CDH23: variants seen among roughly 807,000 people sequenced by gnomAD.
CDH23 encodes cadherin related 23.
CDH23 carries 189 observed loss-of-function variants against 317.1 expected under a neutral mutation model. The ratio of observed to expected loss-of-function variants is 0.60; its 90% confidence interval spans 0.53 to 0.67. The LOEUF (loss-of-function observed/expected upper bound fraction) is 0.67, where lower values mean the gene tolerates loss of function less well. Among genes scored for constraint, CDH23 ranks in the 30% least tolerant of loss-of-function variants. The pLI is 0.00. For missense variants in CDH23, 4,401 were observed against 4,592.4 expected (o/e 0.96, Z 1.20); for synonymous variants, 1,839 against 1,876.8 (o/e 0.98, Z 0.52).
Position 71,812,441 on chromosome 10 carries a change from C to CTTCCCTCCCTCCCCACCCTT in CDH23, c.9381-29_9381-10dup, listed in dbSNP as rs771157742. ...TGGAAGGGCACCTGTCTACTCGAGCCTTCCCTCCCTCCCCACCCTTTTCCC... is the reference window on the plus strand; with the variant it reads ...TGGAAGGGCACCTGTCTACTCGAGCCTTCCCTCCCTCCCCACCCTTTTCCCTCCCTCCCCACCCTTTTCCC... On this transcript the variant is annotated intron_variant, in intron 66 of 69. Transcript: ENST00000224721. 4.4e-6 allele frequency: 7 copies of CTTCCCTCCCTCCCCACCCTT among 1,594,212 alleles called. 1 individual carries two copies. The South Asian group carries it at 7.7e-5, about 18-fold the overall frequency.
chr10:71,481,282 G>C (rs1852050002), intron 3 of CDH23, among the ~76,000 whole-genome samples: 1 of 152,166 alleles, frequency 6.6e-6, no homozygotes, highest in African/African-American at 2.4e-5. Context: ...CCTGCCTCCA[G>C]AGGGTGCAGA....
At chr10:71,643,566 C>A (rs910521258) in intron 11 of CDH23, among the ~76,000 whole-genome samples, 2 of 151,662 alleles carry the variant, frequency 1.3e-5, no homozygotes, top group African/African-American at 4.8e-5. Flanking sequence ...CTTGCCCCCC[C>A]CTCACCTCCT....
chr10:71,501,125 C>G (rs1589140606), intron 3 of CDH23, among the ~76,000 whole-genome samples: 1 of 152,142 alleles, frequency 6.6e-6, no homozygotes, highest in Non-Finnish European at 1.5e-5. Context: ...ACCTTGGCCT[C>G]CCAAAGTGCT....
At chr10:71,766,316 G>A (rs1325061723) in intron 38 of CDH23, among the ~76,000 whole-genome samples, 2 of 152,160 alleles carry the variant, frequency 1.3e-5, no homozygotes, top group Non-Finnish European at 2.9e-5. Flanking sequence ...TGCCAGGCGG[G>A]AACCGTCCAG....
intron 9 of CDH23, among the ~76,000 whole-genome samples, chr10:71,600,696 T>G (rs931001808): frequency 6.6e-6 from 1 of 151,894 alleles, no homozygotes; most frequent in African/African-American, 2.4e-5. Flanking sequence ...TTTTGTATTT[T>G]CAGTCGAGAC....
chr10:71,440,855 C>T (rs1343021382), intron 2 of CDH23, among the ~76,000 whole-genome samples: 1 of 152,196 alleles, frequency 6.6e-6, no homozygotes, highest in East Asian at 1.9e-4. Flanking sequence ...CACGCAAACA[C>T]ATTCCTGTGG....
chr10:71,736,236 C>G (rs927718271), intron 34 of CDH23, among the ~76,000 whole-genome samples: 1 of 152,266 alleles, frequency 6.6e-6, no homozygotes, highest in African/African-American at 2.4e-5. Flanking sequence ...CCCTGGCTTC[C>G]TCTGAGAGGC....
intron 11 of CDH23, among the ~76,000 whole-genome samples, chr10:71,625,903 C>G (rs1024355686): frequency 6.6e-6 from 1 of 152,288 alleles, no homozygotes; most frequent in Middle Eastern, 3.4e-3. Flanking sequence ...CTTTTAATTA[C>G]AAATACAGAA....
chr10:71,497,622 G>C (rs1853048910), intron 3 of CDH23, among the ~76,000 whole-genome samples: 1 of 152,218 alleles, frequency 6.6e-6, no homozygotes. Flanking sequence ...TTCTCTGCCT[G>C]TCTATCCTCC....
chr10:71,784,903 A>T lies in CDH23; in HGVS notation c.5515A>T (p.Ile1839Phe), dbSNP rs767438622. 1.2e-6 allele frequency: 2 copies of T among 1,613,608 alleles called. No individual in the cohort carries two copies. The highest frequency in any genetic ancestry group is 1.7e-5 in the Admixed American group (1 of 59,992). The change falls in exon 43 of 70, where the codon ATC becomes TTC. Residue 1839 changes from isoleucine (I) to phenylalanine (F), a missense_variant. Coordinates refer to ENST00000224721, the MANE Select transcript of CDH23 (RefSeq NM_022124.6). ...PPLSSTMLVG[I>F]RVLDINDNDP... The stretch of plus-strand genomic sequence containing the variant: ...CTGACTGGCCCAGATGCTGGTGGGG[A>T]TCCGGGTGCTGGACATCAACGACAA...
chr10:71,618,723 G>A (rs919499652), intron 11 of CDH23, among the ~76,000 whole-genome samples: 12 of 152,096 alleles, frequency 7.9e-5, no homozygotes, highest in African/African-American at 2.9e-4. Context: ...CTCTGCCCAC[G>A]TCTCTTGCCC....
intron 14 of CDH23, among the ~76,000 whole-genome samples, chr10:71,670,071 G>A (rs1416078946): frequency 1.3e-5 from 2 of 152,254 alleles, no homozygotes; most frequent in African/African-American, 4.8e-5. Context: ...TGGCTTCAGA[G>A]GTGTGCCGGG....
At chr10:71,575,545 C>G (rs1258319628) in intron 8 of CDH23, among the ~76,000 whole-genome samples, 1 of 152,110 alleles carries the variant, frequency 6.6e-6, no homozygotes, top group Non-Finnish European at 1.5e-5. Flanking sequence ...AACAGCGGGG[C>G]CCCTGCAGGC....
At chr10:71,812,377 C>T (rs1225235827) in intron 66 of CDH23, 103 bp from the exon 67 acceptor site, 3 of 1,602,900 alleles carry the variant, frequency 1.9e-6, no homozygotes, top group African/African-American at 1.3e-5. Context: ...GTGAAAGGCA[C>T]TATATGGCCA....
chr10:71,420,549 T>TGATGGTGATGGTG (rs1285573654), intron 1 of CDH23, among the ~76,000 whole-genome samples: 1 of 8,432 alleles, frequency 1.2e-4, no homozygotes. Context: ...ATGATGGTGA[T>TGATGGTGATGGTG]ATGATGATGG....
intron 6 of CDH23, among the ~76,000 whole-genome samples, chr10:71,548,836 A>T (rs1242771652): frequency 6.6e-6 from 1 of 152,230 alleles, no homozygotes; most frequent in African/African-American, 2.4e-5. Flanking sequence ...AAAGCCTTCC[A>T]GAGAGTTCTT....
Position 71,734,224 on chromosome 10 carries a change from G to C in CDH23, c.4105-16G>C. 1.3e-6 allele frequency: 2 copies of C among 1,595,974 alleles called. No homozygotes were observed. The highest frequency in any genetic ancestry group is 1.7e-6 in the Non-Finnish European group (2 of 1,170,506). On this transcript the variant is annotated splice_polypyrimidine_tract_variant and intron_variant, in intron 32 of 69. Coordinates refer to ENST00000224721, the MANE Select transcript of CDH23 (RefSeq NM_022124.6). ...GTGCGATGTTGTCACTCACCCATCT[G>C]GCCCCTTCCCTGCAGGGTGTGATCA...
At chr10:71,499,081 G>T (rs191250294) in intron 3 of CDH23, among the ~76,000 whole-genome samples, 64 of 152,308 alleles carry the variant, frequency 4.2e-4, no homozygotes, top group Non-Finnish European at 7.6e-4. Context: ...CTATAAAAAG[G>T]AAATCCTATC....
chr10:71,535,187 C>T (rs1855627904), intron 6 of CDH23, among the ~76,000 whole-genome samples: 1 of 152,244 alleles, frequency 6.6e-6, no homozygotes, highest in South Asian at 2.1e-4. Context: ...GAAGGGCAGA[C>T]TGGTTGGGAG....
Sources: allele counts gnomAD v4.1 joint callset (sites outside exome capture counted in the v4.1 genomes callset), GRCh38; gene constraint gnomAD v4.1.1; transcripts MANE v1.5; gene names NCBI Gene and HGNC (gene_info 2026-07-23, HGNC 2026-07-21).